The following GRIK2 variants were observed in gnomAD, a reference collection of about 807,000 sequenced individuals.
GRIK2 encodes the protein glutamate receptor ionotropic, kainate 2.
A neutral mutation model predicts 100.3 loss-of-function variants in GRIK2; 32 were observed. The ratio of observed to expected loss-of-function variants is 0.32; its 90% CI spans 0.24 to 0.43. The LOEUF is 0.43. Among genes scored for constraint, GRIK2 ranks in the 20% least tolerant of loss-of-function variants. GRIK2 has a pLI of 1.00. For synonymous variants in GRIK2, 417 were observed against 389.4 expected, an observed-to-expected ratio of 1.07 and a Z score of -0.83; for missense variants, 843 against 1,114.9, an observed-to-expected ratio of 0.76 and a Z score of 3.47.
intron 2 of GRIK2, among the ~76,000 whole-genome samples, chr6:101,447,954 A>G (rs1770470163): frequency 1.3e-5 from 2 of 151,660 alleles, no homozygotes; most frequent in Non-Finnish European, 3.0e-5. Flanking sequence ...TTAGAAGTGA[A>G]CTCAATCATG....
intron 9 of GRIK2, among the ~76,000 whole-genome samples, chr6:101,807,992 TG>T (rs751053448): frequency 4.7e-4 from 71 of 152,146 alleles, no homozygotes; most frequent in Middle Eastern, 3.4e-3. Flanking sequence ...ACAATAAAAT[TG>T]TTTTTTTGGT....
At chr6:101,987,202 A>G (rs1711620968) in intron 14 of GRIK2, among the ~76,000 whole-genome samples, 2 of 151,858 alleles carry the variant, frequency 1.3e-5, no homozygotes, top group Non-Finnish European at 2.9e-5. Context: ...TATCCCTACA[A>G]GAGATGAATA....
intron 14 of GRIK2, among the ~76,000 whole-genome samples, chr6:101,990,837 T>G: frequency 7.8e-6 from 1 of 127,404 alleles, no homozygotes; most frequent in South Asian, 2.8e-4. Context: ...ATTAATTTCT[T>G]AATTTTTTTG....
chr6:101,764,078 C>T (rs564961206), intron 7 of GRIK2, among the ~76,000 whole-genome samples: 2 of 152,256 alleles, frequency 1.3e-5, no homozygotes, highest in African/African-American at 4.8e-5. Flanking sequence ...TCTCCTGGTT[C>T]TCTGTATTCA....
intron 7 of GRIK2, among the ~76,000 whole-genome samples, chr6:101,749,833 G>T (rs1776675968): frequency 8.2e-6 from 1 of 121,634 alleles, no homozygotes. Context: ...TTTTGTGTGA[G>T]ACAGGGTCTT....
In GRIK2 at chr6:101,513,713, T is replaced by G. The variant is rs74884698; in HGVS notation, c.116-108236T>G. 1.1e-4 allele frequency among the ~76,000 whole-genome samples: 17 copies of G among 152,238 alleles called. No individual in the cohort carries two copies. The East Asian group carries it at 3.1e-3, about 28-fold the overall frequency. On this transcript the variant is annotated intron_variant, in intron 2 of 16. Coordinates refer to ENST00000369134, the MANE Select transcript of GRIK2 (RefSeq NM_021956.5). Reference sequence around the variant, plus strand: ...GCCATGACTCCCCAGACACCTTAGATAGGAGTAAGTCCTTACCAGAATTTG... The same window carrying G: ...GCCATGACTCCCCAGACACCTTAGAGAGGAGTAAGTCCTTACCAGAATTTG...
chr6:101,791,588 T>TC (rs1486708283), intron 7 of GRIK2, among the ~76,000 whole-genome samples: 1 of 148,090 alleles, frequency 6.8e-6, no homozygotes, highest in African/African-American at 2.5e-5. Context: ...TGTTATAATT[T>TC]CTTTTTTTTT....
intron 10 of GRIK2, among the ~76,000 whole-genome samples, chr6:101,820,757 T>C (rs1781907044): frequency 6.6e-6 from 1 of 152,154 alleles, no homozygotes. Flanking sequence ...AATTCTTCTT[T>C]ATGTTCTGCA....
chr6:101,706,333 C>T (rs975905686), intron 7 of GRIK2, among the ~76,000 whole-genome samples: 1 of 151,800 alleles, frequency 6.6e-6, no homozygotes, highest in South Asian at 2.1e-4. Flanking sequence ...AAATATAACA[C>T]CCGATATATG....
At chr6:101,717,007 G>A (rs1239939357) in intron 7 of GRIK2, among the ~76,000 whole-genome samples, 1 of 151,630 alleles carries the variant, frequency 6.6e-6, no homozygotes, top group Non-Finnish European at 1.5e-5. Flanking sequence ...ACAAATACTT[G>A]GAGAAAAGTG....
intron 14 of GRIK2, among the ~76,000 whole-genome samples, chr6:101,989,778 TAAAG>T (rs1562092929): frequency 6.6e-6 from 1 of 151,526 alleles, no homozygotes; most frequent in African/African-American, 2.4e-5. Context: ...AAAGCACACT[TAAAG>T]AAGGCTAATA....
At chr6:101,509,238 C>T (rs568961388) in intron 2 of GRIK2, among the ~76,000 whole-genome samples, 2 of 151,142 alleles carry the variant, frequency 1.3e-5, no homozygotes, top group East Asian at 3.9e-4. Context: ...TGTACACAGA[C>T]ACCTTACCAA....
At chr6:101,548,143 C>A (rs930858707) in intron 2 of GRIK2, among the ~76,000 whole-genome samples, 3 of 152,086 alleles carry the variant, frequency 2.0e-5, no homozygotes, top group African/African-American at 7.2e-5. Flanking sequence ...TGTTCATATC[C>A]TTCGCCCACT....
At chr6:101,469,369 A>G (rs1344251967) in intron 2 of GRIK2, among the ~76,000 whole-genome samples, 1 of 152,184 alleles carries the variant, frequency 6.6e-6, no homozygotes, top group Admixed American at 6.6e-5. Flanking sequence ...AGTGAAAGGA[A>G]ATTATTTAAA....
At chr6:101,705,046 T>C (rs1382892056) in intron 7 of GRIK2, among the ~76,000 whole-genome samples, 1 of 146,014 alleles carries the variant, frequency 6.8e-6, no homozygotes, top group Non-Finnish European at 1.5e-5. Flanking sequence ...TTTATATTTA[T>C]ATATTTATGA....
At chr6:101,492,011 T>C (rs1229360027) in intron 2 of GRIK2, among the ~76,000 whole-genome samples, 1 of 151,948 alleles carries the variant, frequency 6.6e-6, no homozygotes, top group East Asian at 1.9e-4. Flanking sequence ...CATCGAGAGG[T>C]ACAAGAAGTT....
At chr6:101,912,043 A>AACACAC (rs1554285094) in intron 12 of GRIK2, among the ~76,000 whole-genome samples, 2 of 134,704 alleles carry the variant, frequency 1.5e-5, no homozygotes, top group East Asian at 2.2e-4. Context: ...TACCAGGGGC[A>AACACAC]ACGCACACAC....
At chr6:101,604,063 T>A (rs935617703) in intron 2 of GRIK2, among the ~76,000 whole-genome samples, 1 of 151,706 alleles carries the variant, frequency 6.6e-6, no homozygotes, top group Admixed American at 6.6e-5. Context: ...CTTTATAACT[T>A]TTCTGAAAAT....
chr6:101,818,522 G>C (rs1368744152), intron 10 of GRIK2, 39 bp downstream of exon 10: 2 of 1,066,574 alleles, frequency 1.9e-6, no homozygotes, highest in Non-Finnish European at 2.9e-6. Context: ...GTTAAATGTA[G>C]ATGAACACAG....
Sources: allele counts gnomAD v4.1 joint callset (sites outside exome capture counted in the v4.1 genomes callset), GRCh38; gene constraint gnomAD v4.1.1; transcripts MANE v1.5; gene names NCBI Gene and HGNC (gene_info 2026-07-23, HGNC 2026-07-21).